The following NREP variants were observed in gnomAD, a reference collection of about 807,000 sequenced individuals.
NREP encodes neuronal regeneration related protein, also known as neuronal regeneration-related protein.
In NREP, 5 loss-of-function variants were observed where a neutral mutation model predicts 8.6. The ratio of observed to expected loss-of-function variants is 0.58; its 90% CI spans 0.30 to 1.22. The LOEUF is 1.22. NREP is among the 50% of genes most tolerant of loss of function. The probability of loss-of-function intolerance (pLI) is 0.07; values close to 1 mark genes in which losing one functional copy is unlikely to be tolerated. For missense variants in NREP, 86 were observed against 82.5 expected, an observed-to-expected ratio of 1.04 and a Z score of -0.17; for synonymous variants, 27 against 28.0, an observed-to-expected ratio of 0.96 and a Z score of 0.11.
At chr5:111,739,579 T>G (rs1749469454) in intron 2 of NREP, 1 of 152,066 alleles carries the variant, frequency 6.6e-6, no homozygotes, top group Non-Finnish European at 1.5e-5. Context: ...TGCTGAACTG[T>G]AAAGCTGCCC....
chr5:111,816,295 A>T (rs368646930), intron 2 of NREP, among the ~76,000 whole-genome samples: 1 of 152,340 alleles, frequency 6.6e-6, no homozygotes, highest in South Asian at 2.1e-4. Flanking sequence ...ATGATCCTAC[A>T]TAGAGGCACA....
At chr5:111,958,859 T>C (rs1756401257) in intron 2 of NREP, among the ~76,000 whole-genome samples, 1 of 151,992 alleles carries the variant, frequency 6.6e-6, no homozygotes, top group Non-Finnish European at 1.5e-5. Flanking sequence ...TAGAAGTTTG[T>C]GCTACCACAT....
At chr5:111,735,604 T>C in intron 2 of NREP, 97 bp from the exon 3 acceptor site, 4 of 810,256 alleles carry the variant, frequency 4.9e-6, no homozygotes, top group South Asian at 4.8e-5. Flanking sequence ...TCCTCAATGG[T>C]TACTTATTCC....
intron 2 of NREP, among the ~76,000 whole-genome samples, chr5:111,826,537 A>T (rs1301109972): frequency 6.6e-6 from 1 of 152,232 alleles, no homozygotes; most frequent in Non-Finnish European, 1.5e-5. Flanking sequence ...GCATCTGAAC[A>T]TCTGAAGGAA....
intron 1 of NREP, among the ~76,000 whole-genome samples, chr5:111,756,821 T>C (rs1454631609): frequency 1.3e-5 from 2 of 152,178 alleles, no homozygotes; most frequent in African/African-American, 4.8e-5. Context: ...CAACAGTTTC[T>C]AACAAGGCTT....
chr5:111,853,461 T>C (rs1753355834), intron 2 of NREP, among the ~76,000 whole-genome samples: 1 of 143,218 alleles, frequency 7.0e-6, no homozygotes, highest in Non-Finnish European at 1.5e-5. Flanking sequence ...AAGATGTTAA[T>C]AATAAGGGGA....
At chr5:111,800,014 G>T (rs922963558) in intron 2 of NREP, among the ~76,000 whole-genome samples, 1 of 152,072 alleles carries the variant, frequency 6.6e-6, no homozygotes, top group Non-Finnish European at 1.5e-5. Context: ...CCACCTCCCA[G>T]GTTCAAGTGA....
At chr5:111,819,894 A>AT (rs1752477523) in intron 2 of NREP, among the ~76,000 whole-genome samples, 1 of 152,184 alleles carries the variant, frequency 6.6e-6, no homozygotes, top group Non-Finnish European at 1.5e-5. Context: ...AAAACTGGAG[A>AT]TTTTAAGAGA....
chr5:111,822,864 G>T (rs1752540904), intron 2 of NREP, among the ~76,000 whole-genome samples: 1 of 152,192 alleles, frequency 6.6e-6, no homozygotes, highest in Non-Finnish European at 1.5e-5. Context: ...ATGAAAAATG[G>T]AGAACATCAA....
chr5:111,757,862 G>C (rs1750834642), upstream of NREP: 1 of 977,586 alleles, frequency 1.0e-6, no homozygotes, highest in Non-Finnish European at 1.2e-6. Context: ...CGCCAAGCGT[G>C]AAGGCGGCCA....
intron 2 of NREP, among the ~76,000 whole-genome samples, chr5:111,805,392 C>G (rs1236914638): frequency 1.3e-5 from 2 of 152,086 alleles, no homozygotes; most frequent in African/African-American, 4.8e-5. Context: ...TTTGTGGTAG[C>G]TAAATATTGA....
At chr5:111,971,534 C>G (rs1207187830) in intron 2 of NREP, among the ~76,000 whole-genome samples, 1 of 151,998 alleles carries the variant, frequency 6.6e-6, no homozygotes, top group Non-Finnish European at 1.5e-5. Flanking sequence ...ACACATAGAC[C>G]AATGGAACAG....
chr5:111,954,977 A>C (rs1157827779), intron 2 of NREP, among the ~76,000 whole-genome samples: 2 of 152,178 alleles, frequency 1.3e-5, no homozygotes, highest in Non-Finnish European at 2.9e-5. Flanking sequence ...TAAATTAATA[A>C]CTAAGAACAA....
chr5:111,967,927 T>C (rs762269355), intron 2 of NREP, among the ~76,000 whole-genome samples: 4 of 151,838 alleles, frequency 2.6e-5, no homozygotes, highest in Non-Finnish European at 4.4e-5. Context: ...CTACCATGGA[T>C]GAGCAGAACA....
At chr5:111,868,352 T>A (rs1753714441) in intron 2 of NREP, among the ~76,000 whole-genome samples, 1 of 152,188 alleles carries the variant, frequency 6.6e-6, no homozygotes, top group African/African-American at 2.4e-5. Context: ...TTAACAGATT[T>A]CTTTGCAGAG....
At chr5:111,880,237 G>C (rs764509142) in intron 2 of NREP, among the ~76,000 whole-genome samples, 2 of 152,068 alleles carry the variant, frequency 1.3e-5, no homozygotes, top group African/African-American at 4.8e-5. Context: ...AGAATTAAAC[G>C]TGTTAATACC....
chr5:111,976,626 G>T, intron 1 of NREP: 1 of 1,145,832 alleles, frequency 8.7e-7, no homozygotes, highest in Non-Finnish European at 1.3e-6. Context: ...AGGTCAGTGA[G>T]GCAGAGACAA....
In NREP at chr5:111,810,045, A is replaced by G. The variant is rs78356123; in HGVS notation, c.136-74538T>C. ...GGAACCAATCAGACTAATCTCATAA[A>G]AAAAGACTAAATGGGATATTAGTTA... On this transcript the variant is annotated intron_variant, in intron 2 of 3. Transcript: ENST00000395634. Among the ~76,000 whole-genome samples, 1,090 of 152,240 alleles carry G rather than the reference A, an allele frequency of 7.2e-3. 22 individuals are homozygous for G. Among genetic ancestry groups the G allele is most frequent in the African/African-American group, 0.025 (1,056 of 41,524 alleles).
intron 2 of NREP, among the ~76,000 whole-genome samples, chr5:111,960,237 T>C (rs1182911537): frequency 6.6e-6 from 1 of 152,208 alleles, no homozygotes; most frequent in Non-Finnish European, 1.5e-5. Context: ...ATTGTTTTTC[T>C]GAAATCTCAC....
Sources: gnomAD v4.1 joint callset for allele counts (sites outside exome capture counted in the v4.1 genomes callset) on GRCh38, gnomAD v4.1.1 for gene constraint, MANE v1.5 for transcripts, NCBI Gene and HGNC (gene_info 2026-07-23, HGNC 2026-07-21) for gene names.